Variants in MED13 observed in about 807,000 individuals in gnomAD.
The protein encoded by MED13 is mediator complex subunit 13, also known as mediator of RNA polymerase II transcription subunit 13.
A neutral mutation model predicts 225.2 loss-of-function variants in MED13; 23 were observed. The ratio of observed to expected loss-of-function variants is 0.10; its 90% CI spans 0.07 to 0.14. The LOEUF (loss-of-function observed/expected upper bound fraction) is 0.14. Ranked by LOEUF, MED13 falls within the 10% of genes least tolerant of loss-of-function variation. The pLI, the probability that MED13 is intolerant of heterozygous loss-of-function variation, is 1.00. For synonymous variants in MED13, 942 were observed against 889.2 expected (o/e 1.06, Z -1.06); for missense variants, 2,197 against 2,594.5 (o/e 0.85, Z 3.33).
intron 3 of MED13, among the ~76,000 whole-genome samples, chr17:62,050,460 T>C (rs569801622): frequency 7.4e-5 from 11 of 149,328 alleles, no homozygotes; most frequent in Admixed American, 1.3e-4. Flanking sequence ...AACCTCTCAA[T>C]AGAAAGTCAA....
chr17:62,011,008 G>A lies in MED13; in HGVS notation c.1509C>T (p.Asp503=). The A allele has an allele frequency of 7.4e-6, 12 of 1,614,062 alleles. No homozygotes were observed. The highest frequency in any genetic ancestry group is 9.3e-6 in the Non-Finnish European group (11 of 1,179,896). The part of the protein sequence containing the change: ...ASQRLVISAP[D]SQVRFSNIRT... ...GGATATTTGAAAATCTCACTTGACT[G>A]TCTGGAGCAGAGATCACAAGTCTTT... Residue 503 remains aspartate, a synonymous_variant, in exon 9 of 30, where the codon GAC becomes GAT. Coordinates refer to ENST00000397786, the MANE Select transcript of MED13 (RefSeq NM_005121.3).
At chr17:61,993,202 T>A (rs1178691741) in intron 10 of MED13, among the ~76,000 whole-genome samples, 1 of 138,916 alleles carries the variant, frequency 7.2e-6, no homozygotes, top group African/African-American at 2.8e-5. Flanking sequence ...CTTTCTTTCT[T>A]TTTTTTTTTT....
At chr17:62,043,240 TAGG>T (rs945742301) in intron 3 of MED13, among the ~76,000 whole-genome samples, 29 of 86,476 alleles carry the variant, frequency 3.4e-4, no homozygotes, top group African/African-American at 1.1e-3. Context: ...GGAGGAAAAA[TAGG>T]AGAAGTCTTA....
intron 18 of MED13, 115 bp downstream of exon 18, chr17:61,967,920 A>T (rs187712228): frequency 2.1e-5 from 16 of 775,032 alleles, no homozygotes; most frequent in African/African-American, 5.2e-5. Flanking sequence ...AGAAATAAAC[A>T]TCTAATCTGA....
chr17:61,990,650 T>TATATAC (rs1491124278), intron 11 of MED13, among the ~76,000 whole-genome samples: 28 of 141,170 alleles, frequency 2.0e-4, no homozygotes, highest in African/African-American at 6.2e-4. Context: ...TATATATATA[T>TATATAC]ACACACTCCC....
At chr17:62,052,874 C>T (rs569836066) in intron 2 of MED13, among the ~76,000 whole-genome samples, 169 bp from the exon 3 acceptor site, 1 of 152,302 alleles carries the variant, frequency 6.6e-6, no homozygotes, top group Admixed American at 6.5e-5. Context: ...TTCAAAGTTA[C>T]TCCACAAGGA....
At chr17:61,979,803 G>A (rs2080187953) in intron 16 of MED13, among the ~76,000 whole-genome samples, 1 of 152,132 alleles carries the variant, frequency 6.6e-6, no homozygotes, top group Non-Finnish European at 1.5e-5. Context: ...CTATCAAGGT[G>A]ACCACCAACT....
At chr17:62,014,310 T>TTTTATATA (rs143857376) in intron 8 of MED13, among the ~76,000 whole-genome samples, 18 of 143,114 alleles carry the variant, frequency 1.3e-4, no homozygotes, top group African/African-American at 4.8e-4. Context: ...GTATATGTTT[T>TTTTATATA]TATATATATA....
chr17:61,997,707 C>G (rs923010257), intron 9 of MED13, among the ~76,000 whole-genome samples: 1 of 152,082 alleles, frequency 6.6e-6, no homozygotes, highest in Non-Finnish European at 1.5e-5. Context: ...AAATAACTAT[C>G]CTTAGGGAAT....
rs1177396229 is a variant in MED13, at chr17:62,010,786, A to G, written c.1731T>C (p.Asp577=). Residue 577 remains aspartate (D), a synonymous_variant, in exon 9 of 30, where the codon GAT becomes GAC. Coordinates refer to ENST00000397786, the MANE Select transcript of MED13 (RefSeq NM_005121.3). The part of the protein sequence containing the change: ...DPLVPSKPME[D]RIDSLSQSFP... ...AAGACTGGGACAAACTGTCTATCCT[A>G]TCTTCCATTGGTTTAGAAGGAACCA... 1 of 1,614,220 alleles carries G rather than the reference A, an allele frequency of 6.2e-7. No individual in the cohort carries two copies. The highest frequency in any genetic ancestry group is 8.5e-7 in the Non-Finnish European group (1 of 1,180,030).
At chr17:62,059,952 T>G (rs1030177306) in intron 2 of MED13, among the ~76,000 whole-genome samples, 5 of 152,150 alleles carry the variant, frequency 3.3e-5, no homozygotes, top group African/African-American at 4.8e-5. Context: ...CCACTCCTAA[T>G]TGTATTTCAG....
chr17:61,961,455 G>A, intron 22 of MED13, 133 bp downstream of exon 22: 8 of 785,614 alleles, frequency 1.0e-5, no homozygotes, highest in Non-Finnish European at 1.6e-5. Flanking sequence ...AGGAGGCAGA[G>A]GTTGTGGTGA....
At chr17:61,948,511 CCT>C (rs753134885) in intron 28 of MED13, among the ~76,000 whole-genome samples, 3 of 152,006 alleles carry the variant, frequency 2.0e-5, no homozygotes, top group Non-Finnish European at 2.9e-5. Context: ...ATCTTATTTA[CCT>C]CTGTTTTTCA....
At position 62,010,843 on chromosome 17, in the gene MED13, T is replaced by A. The variant is rs2080500976; in HGVS notation, c.1674A>T (p.Gln558His). The A allele has an allele frequency of 6.2e-7, 1 of 1,614,134 alleles. No homozygotes were observed. Among genetic ancestry groups the A allele is most frequent in the Admixed American group, 1.7e-5 (1 of 60,010 alleles). The change falls in exon 9 of 30, where the codon CAA becomes CAT. Residue 558 changes from glutamine to histidine, a missense_variant. Physicochemically the swap from Gln to His is conservative, Grantham distance 24. Transcript: ENST00000397786. ...CTGGTGTTGGCATTTGATAAAAATG[T>A]TGACTCTGAGGAGTTGAAGGTGTTT... is the stretch of plus-strand genomic sequence containing the variant. ...VTKTPSTPQS[Q>H]HFYQMPTPDP... is the part of the protein sequence containing the mutation.
At chr17:61,981,086 G>A (rs904342831) in intron 16 of MED13, among the ~76,000 whole-genome samples, 5 of 151,086 alleles carry the variant, frequency 3.3e-5, no homozygotes, top group East Asian at 2.0e-4. Context: ...GCAGTAGTGC[G>A]ATCTTGGCTC....
At chr17:61,958,370 C>T (rs1157457903) in intron 23 of MED13, among the ~76,000 whole-genome samples, 4 of 151,048 alleles carry the variant, frequency 2.6e-5, no homozygotes, top group East Asian at 2.0e-4. Flanking sequence ...ACAAGAGTCT[C>T]GCTCTGTTGC....
At chr17:62,038,345 T>A (rs1471041043) in intron 3 of MED13, among the ~76,000 whole-genome samples, 1 of 152,040 alleles carries the variant, frequency 6.6e-6, no homozygotes, top group Non-Finnish European at 1.5e-5. Flanking sequence ...GAGGGTGCAG[T>A]GAGCTATGAT....
In MED13 at chr17:61,962,850, T is replaced by G; in HGVS notation, c.4966A>C (p.Thr1656Pro). Residue 1656 changes from threonine (T) to proline (P), a missense_variant, in exon 21 of 30, where the codon ACT becomes CCT. Around this residue, in one of 12 missense-constraint regions of MED13, gnomAD observed 457 missense variants for 442.2 expected, o/e 1.03. Coordinates refer to ENST00000397786, the MANE Select transcript of MED13 (RefSeq NM_005121.3). The part of the protein sequence containing the change: ...PFTYENTDES[T>P]NSSSVWTLGL... ...AATGTCCACACACTAGAAGAGTTAG[T>G]GCTCTCGTCTGTATTTTCGTATGTA... 2 of 1,614,136 alleles carry G rather than the reference T, an allele frequency of 1.2e-6. No individual in the cohort carries two copies. Among genetic ancestry groups the G allele is most frequent in the Non-Finnish European group, 8.5e-7 (1 of 1,180,018 alleles).
At chr17:61,968,386 C>CAT in intron 17 of MED13, 128 bp from the exon 18 acceptor site, 9 of 645,016 alleles carry the variant, frequency 1.4e-5, no homozygotes, top group Non-Finnish European at 2.1e-5. Context: ...AGTGCAGTGG[C>CAT]GCCATCTCGG....
Sources: gnomAD v4.1 joint callset for allele counts (sites outside exome capture counted in the v4.1 genomes callset) on GRCh38, gnomAD v4.1.1 for gene constraint, gnomAD v4.1.1 regional missense constraint, MANE v1.5 for transcripts, NCBI Gene and HGNC (gene_info 2026-07-23, HGNC 2026-07-21) for gene names.